POU2F1: variants seen among roughly 807,000 people sequenced by gnomAD.
POU2F1 encodes POU domain, class 2, transcription factor 1.
In POU2F1, 16 loss-of-function variants were observed where a neutral mutation model predicts 84.9. The ratio of observed to expected loss-of-function variants is 0.19; its 90% CI spans 0.13 to 0.29. The LOEUF is 0.29. POU2F1 is among the 10% of genes least tolerant of loss of function. The pLI, the probability that POU2F1 is intolerant of heterozygous loss-of-function variation, is 1.00. For missense variants in POU2F1, 738 were observed against 942.6 expected, an observed-to-expected ratio of 0.78 and a Z score of 2.84; for synonymous variants, 368 against 368.3, an observed-to-expected ratio of 1.00 and a Z score of 0.01.
intron 2 of POU2F1, among the ~76,000 whole-genome samples, chr1:167,335,875 T>C (rs1056151983): frequency 4.7e-4 from 71 of 152,236 alleles, no homozygotes; most frequent in Non-Finnish European, 8.5e-4. Context: ...AACCTAGTTA[T>C]ACAGCTGATC....
rs1283285014 is a variant in POU2F1 at position 167,427,162 on chromosome 1, C to T, written c.*11352C>T. 6.6e-6 allele frequency: 1 copy of T among 152,174 alleles called. No individual in the cohort carries two copies. Among genetic ancestry groups the T allele is most frequent in the Admixed American group, 6.5e-5 (1 of 15,284 alleles). The allele number at this position is 152,174 out of a possible 1,614,324, so 9.4% of individuals were successfully genotyped here. A position where few individuals can be genotyped will look rare whatever the true frequency, so the allele number is the denominator to read the frequency against. On this transcript the variant is annotated 3_prime_UTR_variant, in exon 16 of 16. Transcript: ENST00000367866. ...AGATGATTCCCCCTCCTAGGGCTGCCTGCAGGGGCTGTAGGCTTGGGAAAG... is the reference window on the plus strand; with the variant it reads ...AGATGATTCCCCCTCCTAGGGCTGCTTGCAGGGGCTGTAGGCTTGGGAAAG...
chr1:167,379,317 C>G (rs1025076654), intron 7 of POU2F1: 1 of 152,148 alleles, frequency 6.6e-6, no homozygotes, highest in African/African-American at 2.4e-5. Context: ...CAGATTTAAT[C>G]AGAAAAGTGG....
intron 8 of POU2F1, 48 bp from the exon 9 acceptor site, chr1:167,389,540 A>C (rs938774768): frequency 1.9e-6 from 3 of 1,605,108 alleles, no homozygotes; most frequent in African/African-American, 1.3e-5. Flanking sequence ...GTAAACCTAA[A>C]TATCTCTTCA....
chr1:167,251,351 A>G (rs1650713362), intron 1 of POU2F1, among the ~76,000 whole-genome samples: 3 of 152,208 alleles, frequency 2.0e-5, no homozygotes, highest in Admixed American at 2.0e-4. Flanking sequence ...GTGAGCTGAG[A>G]TCATGCCACT....
chr1:167,278,695 A>G (rs1652912290), intron 1 of POU2F1, among the ~76,000 whole-genome samples: 1 of 152,200 alleles, frequency 6.6e-6, no homozygotes, highest in Non-Finnish European at 1.5e-5. Flanking sequence ...CAAGTCTTCT[A>G]AAAAAAGATA....
intron 1 of POU2F1, among the ~76,000 whole-genome samples, chr1:167,242,868 C>G (rs1458204976): frequency 1.3e-5 from 2 of 152,140 alleles, no homozygotes; most frequent in African/African-American, 4.8e-5. Context: ...GGGCAAAATT[C>G]AGAAAACTAT....
intron 2 of POU2F1, among the ~76,000 whole-genome samples, chr1:167,349,949 T>C (rs958664059): frequency 1.3e-5 from 2 of 152,228 alleles, no homozygotes; most frequent in African/African-American, 4.8e-5. Flanking sequence ...AAATTTCTAC[T>C]GAACTGTAAA....
At chr1:167,387,168 C>G (rs1557948314) in intron 8 of POU2F1, 4 of 456,030 alleles carry the variant, frequency 8.8e-6, no homozygotes, top group African/African-American at 2.0e-5. Flanking sequence ...GAATTCTACT[C>G]TGCCATTTCT....
intron 8 of POU2F1, among the ~76,000 whole-genome samples, chr1:167,386,160 A>C (rs1252112495): frequency 6.6e-6 from 1 of 152,118 alleles, no homozygotes; most frequent in Non-Finnish European, 1.5e-5. Flanking sequence ...GCAAAATGGT[A>C]TACACACTTT....
rs185691661 is a variant in POU2F1 at position 167,377,868 on chromosome 1, T to G, written c.718+1713T>G. ...CTGGTGGCTGTTGTTCCCTTCTTTG[T>G]GTACATATGTACTGAAAGTTTTATG... On this transcript the variant is annotated intron_variant, in intron 7 of 15. Coordinates refer to ENST00000367866, the MANE Select transcript of POU2F1 (RefSeq NM_002697.4). Among the ~76,000 whole-genome samples the G allele has an allele frequency of 6.2e-4, 95 of 152,298 alleles. 1 individual carries two copies. In the East Asian group the frequency reaches 0.018, roughly 28 times the overall value.
At chr1:167,356,760 C>T (rs1411258472) in intron 2 of POU2F1, among the ~76,000 whole-genome samples, 1 of 152,192 alleles carries the variant, frequency 6.6e-6, no homozygotes, top group Non-Finnish European at 1.5e-5. Flanking sequence ...CCCAAGCAGG[C>T]ACCGAGGTCA....
rs1304712000 is a variant in POU2F1 at position 167,273,544 on chromosome 1, C to T, written c.61+52586C>T. 4.6e-5 allele frequency among the ~76,000 whole-genome samples: 7 copies of T among 152,250 alleles called. No homozygotes were observed. The East Asian group carries it at 1.3e-3, about 29-fold the overall frequency. On this transcript the variant is annotated intron_variant, in intron 1 of 15. Transcript: ENST00000367866. ...CCTCTGTGCACCCGCAGGCTTACCACCACGTGGAAGCTGCCAAGGCTTACA... is the reference window on the plus strand; with the variant it reads ...CCTCTGTGCACCCGCAGGCTTACCATCACGTGGAAGCTGCCAAGGCTTACA...
chr1:167,248,915 A>G (rs568478380), intron 1 of POU2F1, among the ~76,000 whole-genome samples: 227 of 152,314 alleles, frequency 1.5e-3, no homozygotes, highest in African/African-American at 5.3e-3. Context: ...AGGTACAGAA[A>G]GAGAAAATAA....
intron 7 of POU2F1, among the ~76,000 whole-genome samples, chr1:167,377,326 C>T (rs1175112330): frequency 6.6e-6 from 1 of 152,162 alleles, no homozygotes; most frequent in East Asian, 1.9e-4. Flanking sequence ...GTGGCTGACG[C>T]CTGTAATCCC....
intron 9 of POU2F1, 29 bp from the exon 10 acceptor site, chr1:167,396,257 C>G: frequency 1.2e-6 from 2 of 1,610,716 alleles, no homozygotes; most frequent in Non-Finnish European, 1.7e-6. Flanking sequence ...TCTTTCCTCT[C>G]CTCTTCTCCT....
chr1:167,354,480 C>T (rs898143966), intron 2 of POU2F1, among the ~76,000 whole-genome samples: 3 of 152,008 alleles, frequency 2.0e-5, no homozygotes, highest in East Asian at 1.9e-4. Context: ...TTAGTAAAGA[C>T]GGGGTTTCAC....
chr1:167,392,978 G>A (rs1648533986), intron 9 of POU2F1, among the ~76,000 whole-genome samples: 1 of 152,114 alleles, frequency 6.6e-6, no homozygotes, highest in Admixed American at 6.5e-5. Flanking sequence ...ATTATTAGAT[G>A]TTTTAAAGTT....
intron 2 of POU2F1, among the ~76,000 whole-genome samples, chr1:167,335,520 T>C (rs1418345590): frequency 6.6e-6 from 1 of 152,090 alleles, no homozygotes; most frequent in African/African-American, 2.4e-5. Flanking sequence ...CTACCCCATG[T>C]CTCTAAAACT....
At chr1:167,232,988 G>C (rs1415765073) in intron 1 of POU2F1, among the ~76,000 whole-genome samples, 2 of 151,834 alleles carry the variant, frequency 1.3e-5, no homozygotes, top group Non-Finnish European at 2.9e-5. Context: ...CTTCATATTC[G>C]CTCACTCGTC....
Sources: gnomAD v4.1 joint callset for allele counts (sites outside exome capture counted in the v4.1 genomes callset) on GRCh38, gnomAD v4.1.1 for gene constraint, MANE v1.5 for transcripts, NCBI Gene and HGNC (gene_info 2026-07-23, HGNC 2026-07-21) for gene names.